The following LUZP2 variants were observed in gnomAD, a reference collection of about 807,000 sequenced individuals.
LUZP2 encodes the protein leucine zipper protein 2.
A neutral mutation model predicts 51.6 loss-of-function variants in LUZP2; 52 were observed. The ratio of observed to expected loss-of-function variants is 1.01; its 90% CI spans 0.81 to 1.27. The LOEUF (loss-of-function observed/expected upper bound fraction) is 1.27, where lower values mean the gene tolerates loss of function less well. Among genes scored for constraint, LUZP2 ranks in the 50% most tolerant of loss-of-function variants. LUZP2 has a pLI of 0.00. For missense variants in LUZP2, 436 were observed against 395.4 expected, an observed-to-expected ratio of 1.10 and a Z score of -0.87; for synonymous variants, 154 against 137.3, an observed-to-expected ratio of 1.12 and a Z score of -0.85.
At chr11:25,072,810 A>G (rs1859194536) in intron 10 of LUZP2, among the ~76,000 whole-genome samples, 1 of 150,162 alleles carries the variant, frequency 6.7e-6, no homozygotes, top group Non-Finnish European at 1.5e-5. Flanking sequence ...GTTTTATTGG[A>G]TAAATCTTTA....
At chr11:24,506,757 A>T (rs1850156763) in intron 1 of LUZP2, among the ~76,000 whole-genome samples, 1 of 151,928 alleles carries the variant, frequency 6.6e-6, no homozygotes, top group Admixed American at 6.6e-5. Flanking sequence ...ATCACTAGGG[A>T]CCCCTAAGTT....
At chr11:24,913,369 CAGT>C (rs1853697872) in intron 6 of LUZP2, among the ~76,000 whole-genome samples, 1 of 152,116 alleles carries the variant, frequency 6.6e-6, no homozygotes, top group Non-Finnish European at 1.5e-5. Flanking sequence ...CATTGCTCAG[CAGT>C]AGTCTAGTAC....
chr11:24,514,955 T>C (rs1371978558), intron 1 of LUZP2, among the ~76,000 whole-genome samples: 3 of 151,988 alleles, frequency 2.0e-5, no homozygotes, highest in Non-Finnish European at 4.4e-5. Flanking sequence ...AAGAGGAGAG[T>C]AAATGAATTA....
At chr11:24,589,399 C>A (rs1358578831) in intron 1 of LUZP2, among the ~76,000 whole-genome samples, 1 of 152,196 alleles carries the variant, frequency 6.6e-6, no homozygotes, top group East Asian at 1.9e-4. Context: ...TTCCTCCTCA[C>A]TGAAAGAGGG....
At chr11:24,566,892 ATT>A (rs1852252973) in intron 1 of LUZP2, among the ~76,000 whole-genome samples, 3 of 97,850 alleles carry the variant, frequency 3.1e-5, no homozygotes, top group Non-Finnish European at 4.1e-5. Context: ...ATATATACAT[ATT>A]TATATATGTT....
intron 5 of LUZP2, among the ~76,000 whole-genome samples, chr11:24,812,578 C>CCATA (rs1290806233): frequency 1.3e-5 from 2 of 151,996 alleles, no homozygotes; most frequent in African/African-American, 4.8e-5. Flanking sequence ...TTAGCACATG[C>CCATA]CATAATGTAA....
chr11:24,997,955 C>A (rs1856557470), intron 9 of LUZP2, among the ~76,000 whole-genome samples: 1 of 152,110 alleles, frequency 6.6e-6, no homozygotes, highest in South Asian at 2.1e-4. Context: ...TTTCTGAGGG[C>A]TCTGTTCTGT....
At chr11:25,016,386 C>A (rs1192240084) in intron 9 of LUZP2, among the ~76,000 whole-genome samples, 2 of 152,030 alleles carry the variant, frequency 1.3e-5, no homozygotes, top group African/African-American at 4.8e-5. Flanking sequence ...CTCTCAGCTA[C>A]AATTGAGAAC....
rs531382613 is a variant in LUZP2, at chr11:24,564,894, G to T, written c.62+67589G>T. On this transcript the variant is annotated intron_variant, in intron 1 of 11. Transcript: ENST00000336930. ...TACGAGTTTGAAAAAGTATATGTTT[G>T]AGATAAATTAGGTCTAGTAATTCAA... Among the ~76,000 whole-genome samples, 5 of 152,202 alleles carry T rather than the reference G, an allele frequency of 3.3e-5. No individual in the cohort carries two copies. The South Asian group carries it at 1.0e-3, about 32-fold the overall frequency.
intron 1 of LUZP2, among the ~76,000 whole-genome samples, chr11:24,628,802 G>A (rs371416600): frequency 6.6e-5 from 10 of 152,096 alleles, no homozygotes; most frequent in African/African-American, 1.2e-4. Flanking sequence ...CAAGTGATCC[G>A]CTCATTTTGC....
At chr11:24,832,225 T>C (rs1476278647) in intron 5 of LUZP2, among the ~76,000 whole-genome samples, 2 of 151,932 alleles carry the variant, frequency 1.3e-5, no homozygotes, top group African/African-American at 4.8e-5. Context: ...GAACAAAATA[T>C]GAGAAGAGAT....
intron 9 of LUZP2, among the ~76,000 whole-genome samples, chr11:25,025,062 A>G (rs1176675183): frequency 6.6e-6 from 1 of 152,202 alleles, no homozygotes; most frequent in Non-Finnish European, 1.5e-5. Flanking sequence ...TCCCTATTTA[A>G]TAAATGATGC....
chr11:24,683,664 T>C (rs1056896212), intron 1 of LUZP2, among the ~76,000 whole-genome samples: 3 of 152,222 alleles, frequency 2.0e-5, no homozygotes, highest in Non-Finnish European at 4.4e-5. Context: ...GACATTTGCC[T>C]TTAACTAAGG....
intron 7 of LUZP2, among the ~76,000 whole-genome samples, chr11:24,921,521 T>G (rs1388534943): frequency 6.6e-6 from 1 of 152,144 alleles, no homozygotes; most frequent in Non-Finnish European, 1.5e-5. Flanking sequence ...TACTTTCTAA[T>G]CGCCGGCATG....
At chr11:24,522,725 G>T (rs559082197) in intron 1 of LUZP2, among the ~76,000 whole-genome samples, 2 of 152,038 alleles carry the variant, frequency 1.3e-5, no homozygotes, top group East Asian at 1.9e-4. Flanking sequence ...ATATACAATC[G>T]TCTTTTTGAC....
intron 9 of LUZP2, among the ~76,000 whole-genome samples, chr11:24,987,910 C>A (rs760858022): frequency 1.3e-5 from 2 of 151,896 alleles, no homozygotes; most frequent in Non-Finnish European, 2.9e-5. Context: ...ATGCTCACAC[C>A]TGGGTGTCAA....
At chr11:24,518,616 T>TG (rs898027157) in intron 1 of LUZP2, among the ~76,000 whole-genome samples, 1 of 152,200 alleles carries the variant, frequency 6.6e-6, no homozygotes, top group African/African-American at 2.4e-5. Flanking sequence ...AAGATGATAG[T>TG]GGGTTTTTAT....
chr11:24,670,349 A>G (rs566239344), intron 1 of LUZP2, among the ~76,000 whole-genome samples: 2 of 152,190 alleles, frequency 1.3e-5, no homozygotes, highest in South Asian at 4.1e-4. Flanking sequence ...CACAGCCACT[A>G]CAAGTTAACC....
intron 2 of LUZP2, among the ~76,000 whole-genome samples, chr11:24,729,975 G>A (rs950693318): frequency 2.0e-5 from 3 of 151,804 alleles, no homozygotes; most frequent in African/African-American, 7.2e-5. Context: ...TACAAAAGAA[G>A]CCAGAGTTTA....
Sources: allele counts gnomAD v4.1 joint callset (sites outside exome capture counted in the v4.1 genomes callset), GRCh38; gene constraint gnomAD v4.1.1; transcripts MANE v1.5; gene names NCBI Gene and HGNC (gene_info 2026-07-23, HGNC 2026-07-21).